Variants in DAG1 observed in about 807,000 individuals in gnomAD.
DAG1 encodes the protein dystroglycan 1 (dystrophin-associated glycoprotein 1).
In DAG1, 8 loss-of-function variants were observed where a neutral mutation model predicts 46.1. That is an observed-to-expected ratio of 0.17 (90% CI 0.10 to 0.31). DAG1 has a LOEUF of 0.31. DAG1 is among the 10% of genes least tolerant of loss of function. The pLI, the probability that DAG1 is intolerant of heterozygous loss-of-function variation, is 1.00. For synonymous variants in DAG1, 495 were observed against 481.8 expected (o/e 1.03, Z -0.36); for missense variants, 1,003 against 1,189.9 (o/e 0.84, Z 2.31).
intron 2 of DAG1, among the ~76,000 whole-genome samples, chr3:49,514,265 A>G (rs188479190): frequency 2.9e-4 from 44 of 152,246 alleles, no homozygotes; most frequent in Non-Finnish European, 3.4e-4. Context: ...GAAAGTCTTT[A>G]TATTAAAGGA....
chr3:49,527,012 CTT>C (rs2051190369), intron 2 of DAG1, among the ~76,000 whole-genome samples: 1 of 152,186 alleles, frequency 6.6e-6, no homozygotes, highest in South Asian at 2.1e-4. Flanking sequence ...GATAGCAGAA[CTT>C]TGGCTGTTGG....
At chr3:49,473,872 C>T (rs1376977836) in intron 1 of DAG1, among the ~76,000 whole-genome samples, 1 of 149,282 alleles carries the variant, frequency 6.7e-6, no homozygotes. Flanking sequence ...GCGTGAGCCA[C>T]TGCGCCTGGC....
chr3:49,532,880 C>T lies in DAG1; in HGVS notation c.2369C>T (p.Thr790Ile). The change falls in exon 3 of 3, where the codon ACC becomes ATC. Residue 790 changes from threonine (T) to isoleucine (I), a missense_variant. Physicochemically the swap from Thr to Ile is moderately conservative, Grantham distance 89 (BLOSUM62 -1). This residue lies in a region of DAG1 where 755 missense variants were observed against 854.1 expected (regional missense o/e 0.88). Coordinates refer to ENST00000308775, the MANE Select transcript of DAG1 (RefSeq NM_004393.6). This position sits in a 1 kb window ranked among gnomAD's most constrained non-coding sequence, Gnocchi z 5.4. ...AAGCTTACCCTTGAGGACCAGGCCA[C>T]CTTCATCAAGAAGGGGGTGCCTATC... ...KGKLTLEDQA[T>I]FIKKGVPIIF... 6.2e-7 allele frequency: 1 copy of T among 1,614,118 alleles called. No homozygotes were observed. The highest frequency in any genetic ancestry group is 8.5e-7 in the Non-Finnish European group (1 of 1,180,024).
chr3:49,527,830 CCTT>C (rs1038916466), intron 2 of DAG1, among the ~76,000 whole-genome samples: 11 of 152,184 alleles, frequency 7.2e-5, no homozygotes, highest in African/African-American at 2.7e-4. Flanking sequence ...CATTTGGCTC[CCTT>C]CTTCTAGTCC....
At chr3:49,490,880 CTTTTTTT>C (rs972440561) in intron 1 of DAG1, among the ~76,000 whole-genome samples, 1 of 87,848 alleles carries the variant, frequency 1.1e-5, no homozygotes, top group South Asian at 3.7e-4. Context: ...CTCCTAAATT[CTTTTTTT>C]TTTTTTTTTT....
At chr3:49,486,143 T>C (rs931122317) in intron 1 of DAG1, among the ~76,000 whole-genome samples, 1 of 152,078 alleles carries the variant, frequency 6.6e-6, no homozygotes, top group Non-Finnish European at 1.5e-5. Context: ...AGGGGAGGGC[T>C]GAATGTTCTG....
At chr3:49,526,701 A>T (rs1340025269) in intron 2 of DAG1, among the ~76,000 whole-genome samples, 2 of 152,224 alleles carry the variant, frequency 1.3e-5, no homozygotes, top group Non-Finnish European at 2.9e-5. Context: ...CAGGTGACAG[A>T]GTGAGACTCT....
intron 2 of DAG1, among the ~76,000 whole-genome samples, chr3:49,514,344 CTG>C (rs1484337896): frequency 6.6e-6 from 1 of 152,162 alleles, no homozygotes; most frequent in Non-Finnish European, 1.5e-5. Flanking sequence ...GAAAAAAAAT[CTG>C]TGGTTTCTAC....
chr3:49,502,993 A>G (rs1396837478), intron 1 of DAG1, among the ~76,000 whole-genome samples: 1 of 152,140 alleles, frequency 6.6e-6, no homozygotes. Context: ...TAATTGTCCT[A>G]CAGAGTTCCA....
intron 1 of DAG1, among the ~76,000 whole-genome samples, chr3:49,476,468 G>A (rs1450845572): frequency 6.6e-6 from 1 of 152,068 alleles, no homozygotes; most frequent in African/African-American, 2.4e-5. Context: ...GCGCACACCT[G>A]TAATCCAAGC....
chr3:49,484,608 G>C (rs907051152), intron 1 of DAG1, among the ~76,000 whole-genome samples: 4 of 152,068 alleles, frequency 2.6e-5, no homozygotes, highest in African/African-American at 9.7e-5. Flanking sequence ...TCTGTGTGAG[G>C]GGGTGGAGGA....
intron 1 of DAG1, among the ~76,000 whole-genome samples, chr3:49,486,621 G>C (rs1241654743): frequency 6.6e-6 from 1 of 151,972 alleles, no homozygotes; most frequent in Admixed American, 6.6e-5. Context: ...TCCTAACTCA[G>C]CCTCCCAAGT....
chr3:49,473,144 G>A (rs565594102), intron 1 of DAG1, among the ~76,000 whole-genome samples: 2 of 151,656 alleles, frequency 1.3e-5, no homozygotes, highest in Admixed American at 6.6e-5. Context: ...GGCCAGGCGC[G>A]GTGGCTCACG....
chr3:49,469,980 T>G (rs1002129934), upstream of DAG1, among the ~76,000 whole-genome samples: 19 of 151,998 alleles, frequency 1.3e-4, no homozygotes, highest in African/African-American at 4.3e-4. Flanking sequence ...CGCCGGGGTG[T>G]GTCCCGGGAC....
chr3:49,515,958 G>T (rs1300939724), intron 2 of DAG1, among the ~76,000 whole-genome samples: 1 of 151,896 alleles, frequency 6.6e-6, no homozygotes, highest in Non-Finnish European at 1.5e-5. Context: ...ATATGATCTG[G>T]CCTGTGACCT....
chr3:49,528,026 G>A (rs1405661635), intron 2 of DAG1, among the ~76,000 whole-genome samples: 4 of 151,916 alleles, frequency 2.6e-5, no homozygotes, highest in African/African-American at 7.3e-5. Flanking sequence ...ACCAAAAACC[G>A]GGGTCCACAC....
chr3:49,480,514 C>T (rs988424683), intron 1 of DAG1, among the ~76,000 whole-genome samples: 1 of 150,538 alleles, frequency 6.6e-6, no homozygotes, highest in African/African-American at 2.4e-5. Flanking sequence ...AGAAAGGTCT[C>T]GATCTCCTGA....
Position 49,533,234 on chromosome 3 carries a change from G to T in DAG1, c.*35G>T, listed in dbSNP as rs781141613. On this transcript the variant is annotated 3_prime_UTR_variant, in exon 3 of 3. Transcript: ENST00000308775. ...GCCTGGGTGGAGGCAGGGTAGGGCA[G>T]GGGCCTGGAGACGACATGGTGTTGT... The T allele has an allele frequency of 6.2e-7, 1 of 1,605,108 alleles. No individual in the cohort carries two copies.
rs759442412 is a variant in DAG1 at position 49,532,833 on chromosome 3, C to T, written c.2322C>T (p.Cys774=). ...LLIAGIIAMI[C]YRKKRKGKLT... The stretch of plus-strand genomic sequence containing the variant: ...TTGCTGGCATCATTGCCATGATCTG[C>T]TACCGCAAGAAGCGGAAGGGCAAGC... Residue 774 remains cysteine (C), a synonymous_variant, in exon 3 of 3, where the codon TGC becomes TGT. Coordinates refer to ENST00000308775, the MANE Select transcript of DAG1 (RefSeq NM_004393.6). This position sits in a 1 kb window ranked among gnomAD's most constrained non-coding sequence, Gnocchi z 5.4. The T allele has an allele frequency of 5.0e-6, 8 of 1,614,000 alleles. No individual in the cohort carries two copies. The Admixed American group carries it at 1.3e-4, about 27-fold the overall frequency.
Sources: allele counts gnomAD v4.1 joint callset (sites outside exome capture counted in the v4.1 genomes callset), GRCh38; gene constraint gnomAD v4.1.1; regional missense constraint gnomAD v4.1.1; non-coding constraint Gnocchi (gnomAD v3.1); transcripts MANE v1.5; gene names NCBI Gene and HGNC (gene_info 2026-07-23, HGNC 2026-07-21).